Variants in PRRG1 observed in about 807,000 individuals in gnomAD.
PRRG1 encodes the protein transmembrane gamma-carboxyglutamic acid protein 1.
In PRRG1, 5 loss-of-function variants were observed where a neutral mutation model predicts 11.8. That is an observed-to-expected ratio of 0.42 (90% confidence interval 0.22 to 0.89). The LOEUF (loss-of-function observed/expected upper bound fraction) is 0.89. PRRG1 is among the 40% of genes least tolerant of loss of function. The pLI is 0.28. For synonymous variants in PRRG1, 66 were observed against 60.4 expected, an observed-to-expected ratio of 1.09 and a Z score of -0.43; for missense variants, 155 against 166.1, an observed-to-expected ratio of 0.93 and a Z score of 0.37.
intron 1 of PRRG1, among the ~76,000 whole-genome samples, chrX:37,391,510 C>T (rs180861925): frequency 1.9e-4 from 21 of 111,228 alleles, no homozygotes; most frequent in African/African-American, 6.5e-4. Context: ...CGAGGAGAAA[C>T]GAGTTTATAT....
intron 1 of PRRG1, among the ~76,000 whole-genome samples, chrX:37,363,529 A>G (rs1556368216): frequency 8.9e-6 from 1 of 112,022 alleles, no homozygotes; most frequent in East Asian, 2.8e-4. Flanking sequence ...TATTTGTTGA[A>G]TTGATGAGAT....
intron 1 of PRRG1, among the ~76,000 whole-genome samples, chrX:37,380,796 C>T (rs369219316): frequency 5.4e-5 from 6 of 111,042 alleles, no homozygotes; most frequent in Admixed American, 2.9e-4. Flanking sequence ...CATTGTTTCC[C>T]GACAGTTAGA....
chrX:37,437,305 C>T (rs1001014174), intron 3 of PRRG1, among the ~76,000 whole-genome samples: 5 of 108,119 alleles, frequency 4.6e-5, no homozygotes, highest in African/African-American at 6.8e-5. Context: ...TCAGTCAGGG[C>T]GGGGGGGGAG....
chrX:37,412,077 A>G (rs1481735629), intron 2 of PRRG1, among the ~76,000 whole-genome samples: 1 of 112,014 alleles, frequency 8.9e-6, no homozygotes, highest in African/African-American at 3.2e-5. Flanking sequence ...TTCTGTACTT[A>G]ATAGTAACAT....
chrX:37,352,844 C>G (rs955435379), intron 1 of PRRG1, among the ~76,000 whole-genome samples: 1 of 111,673 alleles, frequency 9.0e-6, no homozygotes, highest in African/African-American at 3.3e-5. Context: ...CTATGGACAA[C>G]ATGTGTGATG....
intron 3 of PRRG1, among the ~76,000 whole-genome samples, chrX:37,436,761 A>T (rs1032574182): frequency 8.0e-5 from 9 of 112,380 alleles, no homozygotes; most frequent in Admixed American, 1.9e-4. Context: ...GGGAGGTGGA[A>T]GTCCAGTCTG....
intron 1 of PRRG1, among the ~76,000 whole-genome samples, chrX:37,394,596 A>G (rs1424724381): frequency 8.9e-6 from 1 of 111,962 alleles, no homozygotes; most frequent in Admixed American, 9.5e-5. Flanking sequence ...TCTACAAATT[A>G]AAATGTAGCC....
intron 1 of PRRG1, among the ~76,000 whole-genome samples, chrX:37,387,691 G>C (rs1156316813): frequency 6.3e-5 from 7 of 111,349 alleles, no homozygotes; most frequent in African/African-American, 2.3e-4. Context: ...CCACCTCCTT[G>C]ATTGTGAGAT....
chrX:37,420,689 A>AG (rs1286049131), intron 2 of PRRG1, among the ~76,000 whole-genome samples: 4 of 90,395 alleles, frequency 4.4e-5, no homozygotes, highest in Admixed American at 2.2e-4. Flanking sequence ...AAAAAAAAAG[A>AG]AAAGAAAGAA....
At chrX:37,363,986 C>T (rs1156501314) in intron 1 of PRRG1, among the ~76,000 whole-genome samples, 2 of 111,593 alleles carry the variant, frequency 1.8e-5, no homozygotes, top group Non-Finnish European at 3.8e-5. Flanking sequence ...CCTAACACCC[C>T]ACCTATATGT....
intron 1 of PRRG1, among the ~76,000 whole-genome samples, chrX:37,385,800 G>T (rs946629776): frequency 1.9e-5 from 2 of 107,344 alleles, no homozygotes; most frequent in African/African-American, 6.9e-5. Flanking sequence ...TCGCTCTGTC[G>T]TCCAGGCTGG....
intron 1 of PRRG1, among the ~76,000 whole-genome samples, chrX:37,385,389 A>C (rs1308003665): frequency 9.0e-6 from 1 of 110,687 alleles, no homozygotes; most frequent in Non-Finnish European, 1.9e-5. Flanking sequence ...AAGTGTCTTG[A>C]TTTGGGTGCT....
chrX:37,395,470 C>G (rs1931682355), intron 1 of PRRG1, among the ~76,000 whole-genome samples: 1 of 109,980 alleles, frequency 9.1e-6, no homozygotes, highest in Non-Finnish European at 1.9e-5. Context: ...AAAAAAATAG[C>G]TGGGCATAGA....
chrX:37,409,267 T>A (rs1932289557), intron 2 of PRRG1, among the ~76,000 whole-genome samples: 1 of 112,077 alleles, frequency 8.9e-6, no homozygotes, highest in African/African-American at 3.2e-5. Context: ...TAGATCATCA[T>A]AAAGGTCTTA....
chrX:37,384,933 T>C (rs1403235852), intron 1 of PRRG1, among the ~76,000 whole-genome samples: 1 of 111,541 alleles, frequency 9.0e-6, no homozygotes, highest in Non-Finnish European at 1.9e-5. Flanking sequence ...TTAATTCTAC[T>C]TCTACACCCA....
chrX:37,402,705 A>C (rs782515821), intron 1 of PRRG1, among the ~76,000 whole-genome samples: 5 of 111,641 alleles, frequency 4.5e-5, no homozygotes, highest in Admixed American at 3.8e-4. Flanking sequence ...CAACCTACAA[A>C]ATGGGAGAAA....
rs137918552 is a variant in PRRG1 at position 37,429,616 on chromosome X, A to T, written c.171+3616A>T. Among the ~76,000 whole-genome samples the T allele has an allele frequency of 1.7e-3, 192 of 111,609 alleles. 1 individual carries two copies. Among genetic ancestry groups the T allele is most frequent in the African/African-American group, 6.0e-3 (185 of 30,723 alleles). On this transcript the variant is annotated intron_variant, in intron 3 of 3. Coordinates refer to ENST00000378628, the MANE Select transcript of PRRG1 (RefSeq NM_001142395.2). ...CAAAGCCATTCAGCAAGTCTCTAGG[A>T]AGTTCCAAACTTTCCCACATTTTTC...
chrX:37,354,029 C>T lies in PRRG1; in HGVS notation c.-42+4634C>T, dbSNP rs373583890. ...AATGTGGATGTATTGATATTTCCCA[C>T]CCTGTTTGAGCTCCAGTTCTGTATT... is the stretch of plus-strand genomic sequence containing the variant. On this transcript the variant is annotated intron_variant, in intron 1 of 3. Transcript: ENST00000378628. 5.8e-4 allele frequency among the ~76,000 whole-genome samples: 65 copies of T among 112,556 alleles called. 1 individual carries two copies. Among genetic ancestry groups the T allele is most frequent in the East Asian group, 5.0e-3 (18 of 3,587 alleles).
intron 1 of PRRG1, chrX:37,403,861 T>G (rs1932109154): frequency 5.7e-6 from 3 of 524,167 alleles, no homozygotes; most frequent in Non-Finnish European, 7.0e-6. Flanking sequence ...GAAAATTGTC[T>G]TATTTAAAAT....
Sources: gnomAD v4.1 joint callset for allele counts (sites outside exome capture counted in the v4.1 genomes callset) on GRCh38, gnomAD v4.1.1 for gene constraint, MANE v1.5 for transcripts, NCBI Gene and HGNC (gene_info 2026-07-23, HGNC 2026-07-21) for gene names.